The following DOCK10 variants were observed in gnomAD, a reference collection of about 807,000 sequenced individuals.
DOCK10 encodes the protein dedicator of cytokinesis protein 10.
A neutral mutation model predicts 280.1 loss-of-function variants in DOCK10; 145 were observed. The observed-to-expected ratio is 0.52, with a 90% CI of 0.45 to 0.59. The LOEUF (loss-of-function observed/expected upper bound fraction) is 0.59, where lower values mean the gene tolerates loss of function less well. Ranked by LOEUF, DOCK10 falls within the 20% of genes least tolerant of loss-of-function variation. The pLI, the probability that DOCK10 is intolerant of heterozygous loss-of-function variation, is 0.00. For synonymous variants in DOCK10, 915 were observed against 942.2 expected (o/e 0.97, Z 0.53); for missense variants, 2,368 against 2,651.7 (o/e 0.89, Z 2.35).
intron 3 of DOCK10, among the ~76,000 whole-genome samples, chr2:224,915,440 G>A (rs1186641517): frequency 6.6e-6 from 1 of 152,068 alleles, no homozygotes; most frequent in African/African-American, 2.4e-5. Flanking sequence ...GTAATGCAAT[G>A]TGAACTTTGG....
intron 51 of DOCK10, among the ~76,000 whole-genome samples, chr2:224,776,382 G>C (rs1482124265): frequency 1.3e-5 from 2 of 152,114 alleles, no homozygotes; most frequent in African/African-American, 2.4e-5. Context: ...TGGTGGGATG[G>C]TGGAATGAAT....
Position 224,894,157 on chromosome 2 carries a change from A to AT in DOCK10, c.416+2137dup, listed in dbSNP as rs1699854815. ...GAAATTCTCAACAATACTTCAGTTA[A>AT]TTTTTTTTATTTCTTCTCATGAGAT... On this transcript the variant is annotated intron_variant, in intron 4 of 55. Coordinates refer to ENST00000258390, the MANE Select transcript of DOCK10 (RefSeq NM_014689.3). Among the ~76,000 whole-genome samples the AT allele has an allele frequency of 3.3e-5, 5 of 152,114 alleles. No homozygotes were observed. The South Asian group carries it at 6.2e-4, about 19-fold the overall frequency.
intron 1 of DOCK10, among the ~76,000 whole-genome samples, chr2:224,999,806 G>A (rs1706378452): frequency 6.7e-6 from 1 of 150,256 alleles, no homozygotes; most frequent in African/African-American, 2.5e-5. Context: ...GCCCAAAGAA[G>A]CGGCGGTTCC....
At chr2:224,901,878 C>T (rs1239705101) in intron 3 of DOCK10, among the ~76,000 whole-genome samples, 1 of 152,184 alleles carries the variant, frequency 6.6e-6, no homozygotes, top group East Asian at 1.9e-4. Flanking sequence ...GAATTATCTT[C>T]TTGTTTTCAC....
rs926237650 is a variant in DOCK10 at position 224,820,108 on chromosome 2, C to T, written c.3184-579G>A. ...AGGAAAGCCTTTTAAATCTCACTGGCCCCTTTTGACAGAGTAGCTCCTCTC... is the reference window on the plus strand; with the variant it reads ...AGGAAAGCCTTTTAAATCTCACTGGTCCCTTTTGACAGAGTAGCTCCTCTC... On this transcript the variant is annotated intron_variant, in intron 28 of 55. Transcript: ENST00000258390. Among the ~76,000 whole-genome samples the T allele has an allele frequency of 3.9e-5, 6 of 152,272 alleles. No homozygotes were observed. In the East Asian group the frequency reaches 1.2e-3, roughly 29 times the overall value.
At chr2:224,785,582 G>A (rs1446132237) in intron 50 of DOCK10, among the ~76,000 whole-genome samples, 1 of 152,088 alleles carries the variant, frequency 6.6e-6, no homozygotes, top group South Asian at 2.1e-4. Context: ...CTGGGTTCAC[G>A]CCATTCTCCT....
At chr2:225,007,130 A>G (rs557942707) in intron 1 of DOCK10, among the ~76,000 whole-genome samples, 2 of 152,352 alleles carry the variant, frequency 1.3e-5, no homozygotes, top group South Asian at 4.1e-4. Context: ...CTTACGAAAG[A>G]AAAAGGTGGT....
intron 27 of DOCK10, among the ~76,000 whole-genome samples, chr2:224,828,635 T>C (rs1441648770): frequency 6.6e-6 from 1 of 152,110 alleles, no homozygotes; most frequent in Non-Finnish European, 1.5e-5. Context: ...GGAGGAGCAG[T>C]CACAGTCTTG....
Position 224,970,512 on chromosome 2 carries a change from C to A in DOCK10, c.124-38844G>T, listed in dbSNP as rs1346886025. ...CTAGCACGACATTTCCGGATTCAGA[C>A]TTCTGCAACATGACAGAGATAGATG... On this transcript the variant is annotated intron_variant, in intron 1 of 55. Transcript: ENST00000258390. The surrounding 1 kb of genome is among the most constrained non-coding windows in gnomAD (Gnocchi z 4.6). Among the ~76,000 whole-genome samples, 1 of 152,206 alleles carries A rather than the reference C, an allele frequency of 6.6e-6. No homozygotes were observed. The highest frequency in any genetic ancestry group is 2.4e-5 in the African/African-American group (1 of 41,450).
intron 41 of DOCK10, 103 bp from the exon 42 acceptor site, chr2:224,798,072 G>C (rs1692708965): frequency 8.8e-7 from 1 of 1,130,848 alleles, no homozygotes; most frequent in African/African-American, 1.6e-5. Flanking sequence ...GCACTATTTT[G>C]AGTGCTAGAA....
chr2:224,981,719 TAGGCATTCTGGAA>T (rs1188129864), intron 1 of DOCK10, among the ~76,000 whole-genome samples: 23 of 152,370 alleles, frequency 1.5e-4, no homozygotes, highest in Admixed American at 1.0e-3. Context: ...GTGCCTAAGT[TAGGCATTCTGGAA>T]AGGCATTTCC....
intron 3 of DOCK10, among the ~76,000 whole-genome samples, chr2:224,916,272 G>A (rs188279809): frequency 3.3e-5 from 5 of 152,336 alleles, no homozygotes; most frequent in Non-Finnish European, 7.3e-5. Context: ...CGGACGCGGT[G>A]GCTCATGCCT....
chr2:224,953,599 T>C (rs977677687), intron 1 of DOCK10, among the ~76,000 whole-genome samples: 1 of 152,186 alleles, frequency 6.6e-6, no homozygotes, highest in African/African-American at 2.4e-5. Context: ...GAGAGTAGAC[T>C]TGTCTGGGGG....
At chr2:224,995,939 A>G (rs780539996) in intron 1 of DOCK10, among the ~76,000 whole-genome samples, 10 of 152,214 alleles carry the variant, frequency 6.6e-5, no homozygotes, top group Non-Finnish European at 1.3e-4. Flanking sequence ...TCTACATGGA[A>G]TTTTTGTTCT....
chr2:224,916,858 A>C (rs1377575793), intron 2 of DOCK10, 74 bp from the exon 3 acceptor site: 3 of 1,101,396 alleles, frequency 2.7e-6, no homozygotes, highest in African/African-American at 1.6e-5. Context: ...CTGAACACAC[A>C]AAAGGGAAGT....
chr2:224,875,930 G>A lies in DOCK10; in HGVS notation c.931+108C>T, dbSNP rs1373506890. The A allele has an allele frequency of 6.3e-6, 7 of 1,113,118 alleles. No homozygotes were observed. In the Middle Eastern group the frequency reaches 8.3e-4, roughly 131 times the overall value. 69.0% of individuals were successfully genotyped at this position (1,113,118 alleles called of 1,614,324 possible). A position where few individuals can be genotyped will look rare whatever the true frequency, so the allele number is the denominator to read the frequency against. On this transcript the variant is annotated intron_variant, in intron 8 of 55. Coordinates refer to ENST00000258390, the MANE Select transcript of DOCK10 (RefSeq NM_014689.3). ...TGATTCTTGGAACAAACAGCCCCAG[G>A]ATGGATGAGCTAGACCAGACAGCAA...
chr2:224,876,273 C>CGA lies in DOCK10; in HGVS notation c.748-54_748-53dup, dbSNP rs532922273. The stretch of plus-strand genomic sequence containing the variant: ...AAGAGAATACCAAAAAATAAGCCTT[C>CGA]GAGAGAGAGATCATTTATGTGGGCT... On this transcript the variant is annotated intron_variant, in intron 7 of 55. Coordinates refer to ENST00000258390, the MANE Select transcript of DOCK10 (RefSeq NM_014689.3). The CGA allele has an allele frequency of 5.3e-5, 77 of 1,440,826 alleles. 1 individual carries two copies. The Admixed American group carries it at 1.3e-3, about 25-fold the overall frequency. The allele number at this position is 1,440,826 out of a possible 1,614,324, so 89.3% of individuals were successfully genotyped here. A position where few individuals can be genotyped will look rare whatever the true frequency, so the allele number is the denominator to read the frequency against.
At chr2:224,795,363 C>T (rs533713431) in intron 44 of DOCK10, among the ~76,000 whole-genome samples, 51 of 152,318 alleles carry the variant, frequency 3.3e-4, no homozygotes, top group African/African-American at 1.1e-3. Context: ...GATATATTCC[C>T]CTTCCTGACT....
chr2:224,849,532 G>A lies in DOCK10; in HGVS notation c.2210C>T (p.Ser737Phe). 1 of 1,612,214 alleles carries A rather than the reference G, an allele frequency of 6.2e-7. No homozygotes were observed. Among genetic ancestry groups the A allele is most frequent in the South Asian group, 1.1e-5 (1 of 90,404 alleles). The change falls in exon 19 of 56, where the codon TCT becomes TTT. Residue 737 changes from serine (S) to phenylalanine (F), a missense_variant. Ser to Phe is a radical substitution (Grantham distance 155). Coordinates refer to ENST00000258390, the MANE Select transcript of DOCK10 (RefSeq NM_014689.3). Reference protein sequence around the residue: ...SAAYTAVLHHSQNPDFSDEVK... With the variant: ...SAAYTAVLHHFQNPDFSDEVK... ...CTCATCTGAGAAATCCGGATTCTGA[G>A]AGTGGTGCAGAACTGCTGTGTAGGC... is the stretch of plus-strand genomic sequence containing the variant.
Sources: gnomAD v4.1 joint callset for allele counts (sites outside exome capture counted in the v4.1 genomes callset) on GRCh38, gnomAD v4.1.1 for gene constraint, Gnocchi (gnomAD v3.1) non-coding constraint, MANE v1.5 for transcripts, NCBI Gene and HGNC (gene_info 2026-07-23, HGNC 2026-07-21) for gene names.